The following CAST variants were observed in gnomAD, a reference collection of about 807,000 sequenced individuals.
The protein encoded by CAST is calpastatin, also known as MIR583 host.
CAST carries 76 observed loss-of-function variants against 119.6 expected under a neutral mutation model. The observed-to-expected ratio is 0.64, with a 90% confidence interval of 0.53 to 0.77. CAST has a LOEUF of 0.77. Ranked by LOEUF, CAST falls within the 30% of genes least tolerant of loss-of-function variation. CAST has a pLI of 0.00. For missense variants in CAST, 953 were observed against 946.5 expected (o/e 1.01, Z -0.09); for synonymous variants, 319 against 331.6 (o/e 0.96, Z 0.41).
chr5:96,272,786 G>A, the CAST span, among the ~76,000 whole-genome samples: 1 of 152,056 alleles, frequency 6.6e-6, no homozygotes, highest in Admixed American at 6.6e-5. Context: ...AATAGTTAAG[G>A]TGATGGATAT....
chr5:96,035,075 A>ATATATATATATTTAAG, the CAST span, among the ~76,000 whole-genome samples: 11 of 143,142 alleles, frequency 7.7e-5, no homozygotes, highest in African/African-American at 2.3e-4. Flanking sequence ...TTAAGTATAT[A>ATATATATATATTTAAG]TATATATATA....
At chr5:96,288,967 C>A in the CAST span, among the ~76,000 whole-genome samples, 1 of 152,018 alleles carries the variant, frequency 6.6e-6, no homozygotes, top group Admixed American at 6.6e-5. Flanking sequence ...TTACATCCTG[C>A]CTGAGCAATT....
the CAST span, among the ~76,000 whole-genome samples, chr5:96,138,637 A>T: frequency 3.3e-5 from 5 of 151,834 alleles, no homozygotes; most frequent in Admixed American, 2.0e-4. Flanking sequence ...GATGGTTTTT[A>T]TTTCTTTCAT....
At chr5:96,183,078 G>A in the CAST span, among the ~76,000 whole-genome samples, 1 of 151,756 alleles carries the variant, frequency 6.6e-6, no homozygotes, top group Non-Finnish European at 1.5e-5. Context: ...GGCGGAGCTT[G>A]CAGTGAGCCG....
the CAST span, among the ~76,000 whole-genome samples, chr5:96,499,549 G>A: frequency 6.6e-6 from 1 of 152,298 alleles, no homozygotes; most frequent in Admixed American, 6.5e-5. Context: ...ACTGATCAGG[G>A]TGGTGATTGC....
chr5:96,318,368 T>C, the CAST span: 1 of 152,224 alleles, frequency 6.6e-6, no homozygotes, highest in Non-Finnish European at 1.5e-5. Flanking sequence ...GTGAATGCTT[T>C]TTGCCGATGT....
the CAST span, among the ~76,000 whole-genome samples, chr5:96,304,378 A>T: frequency 6.6e-6 from 1 of 152,078 alleles, no homozygotes; most frequent in Non-Finnish European, 1.5e-5. Context: ...GATTACAAAA[A>T]TTTTCTCCCA....
chr5:96,133,682 T>C, the CAST span, among the ~76,000 whole-genome samples: 1 of 152,236 alleles, frequency 6.6e-6, no homozygotes, highest in African/African-American at 2.4e-5. Context: ...ATATTTTAAA[T>C]TCTTACCTGG....
At chr5:96,513,312 G>T in the CAST span, among the ~76,000 whole-genome samples, 1 of 152,218 alleles carries the variant, frequency 6.6e-6, no homozygotes, top group Non-Finnish European at 1.5e-5. Flanking sequence ...TGTCCTTGGA[G>T]AGTTTATATT....
intron 15 of CAST, chr5:96,742,139 G>T (rs1762819435): frequency 1.3e-5 from 2 of 157,736 alleles, no homozygotes; most frequent in South Asian, 1.8e-4. Context: ...TTTTTATCTG[G>T]CAGGCTGGGG....
the CAST span, among the ~76,000 whole-genome samples, chr5:96,252,572 T>C: frequency 2.0e-5 from 3 of 152,118 alleles, no homozygotes; most frequent in East Asian, 5.8e-4. Context: ...ACTGAGGAAA[T>C]TGACGCTCAC....
chr5:96,296,428 T>C, the CAST span, among the ~76,000 whole-genome samples: 1 of 152,214 alleles, frequency 6.6e-6, no homozygotes, highest in Non-Finnish European at 1.5e-5. Context: ...ATGTAAATCT[T>C]CAGCTTATAT....
chr5:95,982,124 G>T, the CAST span, among the ~76,000 whole-genome samples: 1 of 150,290 alleles, frequency 6.7e-6, no homozygotes, highest in Non-Finnish European at 1.5e-5. Flanking sequence ...TATAAAATAA[G>T]CATTTTACTG....
chr5:96,685,364 CA>C (rs890455761), intron 2 of CAST, among the ~76,000 whole-genome samples: 2 of 151,980 alleles, frequency 1.3e-5, no homozygotes, highest in Non-Finnish European at 2.9e-5. Context: ...CTTAGCTTCT[CA>C]AAAATAATGG....
chr5:96,477,230 G>C, the CAST span, among the ~76,000 whole-genome samples: 2 of 151,258 alleles, frequency 1.3e-5, no homozygotes, highest in Non-Finnish European at 2.9e-5. Context: ...TATTATACCA[G>C]TTTAATGAGA....
At chr5:95,985,890 T>C in the CAST span, among the ~76,000 whole-genome samples, 1 of 152,208 alleles carries the variant, frequency 6.6e-6, no homozygotes. Flanking sequence ...GAAGTGGCTT[T>C]TTCTGCCGTT....
At chr5:96,076,133 T>C in the CAST span, among the ~76,000 whole-genome samples, 2 of 152,164 alleles carry the variant, frequency 1.3e-5, no homozygotes, top group Admixed American at 1.3e-4. Context: ...GGGCCAGCTG[T>C]TCCAGGATTA....
At chr5:96,053,770 A>G in the CAST span, among the ~76,000 whole-genome samples, 1 of 152,198 alleles carries the variant, frequency 6.6e-6, no homozygotes, top group Non-Finnish European at 1.5e-5. Context: ...TTTTATTCAA[A>G]TATTACTCAG....
the CAST span, among the ~76,000 whole-genome samples, chr5:96,311,948 A>G: frequency 2.0e-5 from 3 of 151,946 alleles, no homozygotes; most frequent in Non-Finnish European, 4.4e-5. Context: ...TATTACTGCA[A>G]TTTTGTTAAT....
Sources: gnomAD v4.1 joint callset for allele counts (sites outside exome capture counted in the v4.1 genomes callset) on GRCh38, gnomAD v4.1.1 for gene constraint, MANE v1.5 for transcripts, NCBI Gene and HGNC (gene_info 2026-07-23, HGNC 2026-07-21) for gene names.